LCLAT1: variants seen among roughly 807,000 people sequenced by gnomAD.
LCLAT1 encodes lysocardiolipin acyltransferase 1, also known as 1-AGP acyltransferase 8.
LCLAT1 carries 11 observed loss-of-function variants against 30.7 expected under a neutral mutation model. The observed-to-expected ratio is 0.36, with a 90% confidence interval of 0.23 to 0.59. The LOEUF is 0.59. Among genes scored for constraint, LCLAT1 ranks in the 20% least tolerant of loss-of-function variants. LCLAT1 has a pLI of 0.77. For synonymous variants in LCLAT1, 155 were observed against 151.3 expected, an observed-to-expected ratio of 1.02 and a Z score of -0.18; for missense variants, 402 against 458.6, an observed-to-expected ratio of 0.88 and a Z score of 1.13.
intron 1 of LCLAT1, among the ~76,000 whole-genome samples, chr2:30,455,276 C>T (rs888088716): frequency 1.3e-5 from 2 of 152,020 alleles, no homozygotes; most frequent in Non-Finnish European, 1.5e-5. Context: ...ATATGTATGC[C>T]TTTTGCATAC....
chr2:30,541,933 A>T (rs189380855), intron 3 of LCLAT1, among the ~76,000 whole-genome samples: 1 of 152,280 alleles, frequency 6.6e-6, no homozygotes, highest in East Asian at 1.9e-4. Context: ...TGTTGTGGCA[A>T]CTTACTGTTG....
intron 3 of LCLAT1, among the ~76,000 whole-genome samples, chr2:30,553,582 G>C (rs536669125): frequency 6.6e-6 from 1 of 152,094 alleles, no homozygotes. Context: ...TTGGGAGGCC[G>C]AGGCGGGTGG....
At chr2:30,475,087 T>G (rs1000423944) in intron 1 of LCLAT1, among the ~76,000 whole-genome samples, 9 of 152,224 alleles carry the variant, frequency 5.9e-5, no homozygotes, top group Admixed American at 5.9e-4. Flanking sequence ...ATCCTTGAAC[T>G]CCTGGGCTCA....
chr2:30,489,532 T>G (rs943586545), intron 1 of LCLAT1, among the ~76,000 whole-genome samples: 8 of 152,180 alleles, frequency 5.3e-5, no homozygotes, highest in Admixed American at 2.0e-4. Context: ...TTTTGTATTT[T>G]TAGTAGAGAC....
At chr2:30,459,090 C>T (rs987969440) in intron 1 of LCLAT1, among the ~76,000 whole-genome samples, 1 of 152,072 alleles carries the variant, frequency 6.6e-6, no homozygotes, top group East Asian at 1.9e-4. Flanking sequence ...TGTGGTCATG[C>T]TTGCTTTCCT....
intron 3 of LCLAT1, among the ~76,000 whole-genome samples, chr2:30,535,474 T>C (rs1339051494): frequency 1.3e-5 from 2 of 152,166 alleles, no homozygotes; most frequent in African/African-American, 4.8e-5. Flanking sequence ...GTGTTCTTGC[T>C]TCCAGTAAAG....
chr2:30,567,569 A>G (rs951941540), intron 4 of LCLAT1, among the ~76,000 whole-genome samples: 2 of 152,178 alleles, frequency 1.3e-5, no homozygotes, highest in African/African-American at 4.8e-5. Context: ...AGTCATGAAC[A>G]GTTAGTCCAC....
chr2:30,467,038 C>T (rs1307289637), intron 1 of LCLAT1, among the ~76,000 whole-genome samples: 3 of 152,112 alleles, frequency 2.0e-5, no homozygotes, highest in East Asian at 1.9e-4. Context: ...GTGCTGCACT[C>T]GTTAACTCGT....
At chr2:30,600,764 A>G (rs1309333144) in intron 5 of LCLAT1, among the ~76,000 whole-genome samples, 1 of 152,012 alleles carries the variant, frequency 6.6e-6, no homozygotes, top group African/African-American at 2.4e-5. Context: ...GTCTTGGTCT[A>G]TGATGTACTT....
At chr2:30,633,627 G>C (rs887619610) in intron 5 of LCLAT1, among the ~76,000 whole-genome samples, 39 of 152,198 alleles carry the variant, frequency 2.6e-4, no homozygotes, top group African/African-American at 9.2e-4. Flanking sequence ...GGAGGTTGCA[G>C]TGAGCCGAGG....
In LCLAT1 at chr2:30,640,287, C is replaced by T. The variant is rs2148540481; in HGVS notation, c.799C>T (p.His267Tyr). ...TSKEDLQLWC[H>Y]KRWEEKEERL... ...CAAGGAGGACCTTCAACTCTGGTGC[C>T]ACAAACGGTGGGAAGAGAAAGAAGA... is the stretch of plus-strand genomic sequence containing the variant. The change falls in exon 6 of 6, where the codon CAC becomes TAC. Residue 267 changes from histidine (H) to tyrosine (Y), a missense_variant. Coordinates refer to ENST00000379509, the MANE Select transcript of LCLAT1 (RefSeq NM_001002257.3). 1 of 1,614,144 alleles carries T rather than the reference C, an allele frequency of 6.2e-7. No homozygotes were observed. Among genetic ancestry groups the T allele is most frequent in the Non-Finnish European group, 8.5e-7 (1 of 1,180,022 alleles).
At chr2:30,626,229 T>C (rs1484875366) in intron 5 of LCLAT1, among the ~76,000 whole-genome samples, 2 of 152,224 alleles carry the variant, frequency 1.3e-5, no homozygotes, top group Non-Finnish European at 2.9e-5. Flanking sequence ...ATGCCTCTTT[T>C]AGGCTTTTGT....
chr2:30,521,160 C>G (rs1558493373), intron 1 of LCLAT1, among the ~76,000 whole-genome samples: 1 of 152,204 alleles, frequency 6.6e-6, no homozygotes, highest in Non-Finnish European at 1.5e-5. Context: ...TGACAGTTTA[C>G]AAATGCCAGG....
chr2:30,528,206 G>C (rs1685815195), intron 2 of LCLAT1, among the ~76,000 whole-genome samples: 1 of 152,232 alleles, frequency 6.6e-6, no homozygotes, highest in South Asian at 2.1e-4. Context: ...AGCTGTAATA[G>C]AATCTGGGAA....
At chr2:30,527,706 C>A (rs1002246761) in intron 2 of LCLAT1, among the ~76,000 whole-genome samples, 1 of 152,106 alleles carries the variant, frequency 6.6e-6, no homozygotes, top group Non-Finnish European at 1.5e-5. Context: ...TTAATACTAC[C>A]TACTTACATC....
chr2:30,606,939 CT>C (rs748073716), intron 5 of LCLAT1: 9 of 152,108 alleles, frequency 5.9e-5, no homozygotes, highest in Non-Finnish European at 1.2e-4. Flanking sequence ...TGAACAGACA[CT>C]TCTCAAAAGA....
chr2:30,475,970 T>G (rs373106850), intron 1 of LCLAT1, among the ~76,000 whole-genome samples: 1 of 152,228 alleles, frequency 6.6e-6, no homozygotes, highest in Non-Finnish European at 1.5e-5. Flanking sequence ...TTCTAAAGTC[T>G]TCTTCAGCTT....
chr2:30,579,712 G>A (rs531069115), intron 5 of LCLAT1, among the ~76,000 whole-genome samples: 1 of 152,248 alleles, frequency 6.6e-6, no homozygotes, highest in African/African-American at 2.4e-5. Context: ...TAGAGAAGTA[G>A]TCTTAGTTGT....
intron 1 of LCLAT1, among the ~76,000 whole-genome samples, chr2:30,491,492 C>T (rs1432421371): frequency 1.3e-5 from 2 of 152,098 alleles, no homozygotes; most frequent in Admixed American, 6.5e-5. Flanking sequence ...GCCTCCAGAG[C>T]CTGTTCTGTT....
Sources: allele counts gnomAD v4.1 joint callset (sites outside exome capture counted in the v4.1 genomes callset), GRCh38; gene constraint gnomAD v4.1.1; transcripts MANE v1.5; gene names NCBI Gene and HGNC (gene_info 2026-07-23, HGNC 2026-07-21).